The following SCUBE1 variants were observed in gnomAD, a reference collection of about 807,000 sequenced individuals.
The protein encoded by SCUBE1 is signal peptide, CUB and EGF-like domain-containing protein 1.
In SCUBE1, 59 loss-of-function variants were observed where a neutral mutation model predicts 124.4. The observed-to-expected ratio is 0.47, with a 90% CI of 0.38 to 0.59. The LOEUF (loss-of-function observed/expected upper bound fraction) is 0.59. Among genes scored for constraint, SCUBE1 ranks in the 20% least tolerant of loss-of-function variants. The probability of loss-of-function intolerance (pLI) is 0.00; values close to 1 mark genes in which losing one functional copy is unlikely to be tolerated. For synonymous variants in SCUBE1, 545 were observed against 550.9 expected (o/e 0.99, Z 0.15); for missense variants, 1,150 against 1,371.2 (o/e 0.84, Z 2.55).
Position 43,255,620 on chromosome 22 carries a change from G to A in SCUBE1, c.727+2599C>T. On this transcript the variant is annotated intron_variant, in intron 6 of 21. Coordinates refer to ENST00000360835, the MANE Select transcript of SCUBE1 (RefSeq NM_173050.5). This position sits in a 1 kb window ranked among gnomAD's most constrained non-coding sequence, Gnocchi z 4.7. ...GACAAACACGGAGCCAGTGGTTAATGACAGCCCACTTCCCGCGGCCCAAGA... is the reference window on the plus strand; with the variant it reads ...GACAAACACGGAGCCAGTGGTTAATAACAGCCCACTTCCCGCGGCCCAAGA... 6.7e-7 allele frequency: 1 copy of A among 1,495,100 alleles called. No homozygotes were observed. Among genetic ancestry groups the A allele is most frequent in the Non-Finnish European group, 9.1e-7 (1 of 1,097,524 alleles). The allele number at this position is 1,495,100 out of a possible 1,614,324, so 92.6% of individuals were successfully genotyped here. A position where few individuals can be genotyped will look rare whatever the true frequency, so the allele number is the denominator to read the frequency against.
rs1295188682 is a variant in SCUBE1, at chr22:43,255,976, G to A, written c.727+2243C>T. On this transcript the variant is annotated intron_variant, in intron 6 of 21. Transcript: ENST00000360835. The surrounding 1 kb of genome is among the most constrained non-coding windows in gnomAD (Gnocchi z 4.7). ...GACACAAGTGATTACAGACCCCCGT[G>A]GCTCAGGCTGGAGAGGCAGGCACAG... is the stretch of plus-strand genomic sequence containing the variant. Among the ~76,000 whole-genome samples, 1 of 152,182 alleles carries A rather than the reference G, an allele frequency of 6.6e-6. No homozygotes were observed. Among genetic ancestry groups the A allele is most frequent in the Non-Finnish European group, 1.5e-5 (1 of 68,036 alleles).
At chr22:43,266,485 T>C (rs200672224) in intron 4 of SCUBE1, among the ~76,000 whole-genome samples, 1 of 152,288 alleles carries the variant, frequency 6.6e-6, no homozygotes, top group East Asian at 1.9e-4. Context: ...GCAGATAGGC[T>C]CCGTGGCTGG....
intron 6 of SCUBE1, among the ~76,000 whole-genome samples, chr22:43,253,242 T>C (rs989294314): frequency 6.6e-6 from 1 of 152,204 alleles, no homozygotes; most frequent in Non-Finnish European, 1.5e-5. Context: ...CAGGATCCTA[T>C]GTCTTTACCC....
chr22:43,241,706 C>T (rs1343474634), intron 6 of SCUBE1, among the ~76,000 whole-genome samples: 1 of 152,238 alleles, frequency 6.6e-6, no homozygotes, highest in Non-Finnish European at 1.5e-5. Context: ...CCAGCTCTAG[C>T]CCCTGCTCTT....
intron 3 of SCUBE1, among the ~76,000 whole-genome samples, chr22:43,314,132 A>G (rs545043436): frequency 1.3e-5 from 2 of 152,316 alleles, no homozygotes; most frequent in African/African-American, 4.8e-5. Flanking sequence ...AAGGCAGCGG[A>G]GACAGAGAAC....
chr22:43,231,680 G>A (rs1922557445), intron 8 of SCUBE1, 73 bp downstream of exon 8: 15 of 1,509,718 alleles, frequency 9.9e-6, no homozygotes, highest in Non-Finnish European at 1.3e-5. Flanking sequence ...CTAGGAGCCC[G>A]TGTCAGCCCA....
intron 7 of SCUBE1, chr22:43,232,557 C>T (rs1601815575): frequency 1.3e-5 from 2 of 152,358 alleles, no homozygotes. Context: ...GCCTGACGCT[C>T]CCCCCTTTCC....
chr22:43,241,417 C>T (rs1311616434), intron 6 of SCUBE1, among the ~76,000 whole-genome samples: 1 of 152,108 alleles, frequency 6.6e-6, no homozygotes, highest in Admixed American at 6.5e-5. Flanking sequence ...AGAAACTCGG[C>T]CCAAGGCTGT....
chr22:43,231,413 C>T (rs912092034), intron 8 of SCUBE1, among the ~76,000 whole-genome samples: 1 of 152,214 alleles, frequency 6.6e-6, no homozygotes. Flanking sequence ...GCAACGCTTT[C>T]CAACAGATGG....
chr22:43,300,470 C>T (rs375724009), intron 3 of SCUBE1, among the ~76,000 whole-genome samples: 30 of 152,188 alleles, frequency 2.0e-4, no homozygotes, highest in East Asian at 1.5e-3. Flanking sequence ...CCTGTTCTCA[C>T]GGGCTCTATG....
At chr22:43,248,754 C>T (rs949521694) in intron 6 of SCUBE1, among the ~76,000 whole-genome samples, 5 of 152,132 alleles carry the variant, frequency 3.3e-5, no homozygotes, top group Admixed American at 6.5e-5. Context: ...ATATCACCTC[C>T]CTCACCAGCA....
chr22:43,292,759 G>A (rs1354592898), intron 3 of SCUBE1, among the ~76,000 whole-genome samples: 1 of 152,226 alleles, frequency 6.6e-6, no homozygotes, highest in Non-Finnish European at 1.5e-5. Context: ...ACTCATGGAC[G>A]ACAGACCACT....
At chr22:43,250,081 G>A (rs1384638698) in intron 6 of SCUBE1, among the ~76,000 whole-genome samples, 4 of 152,248 alleles carry the variant, frequency 2.6e-5, no homozygotes, top group African/African-American at 9.6e-5. Flanking sequence ...GGAAGTACAC[G>A]CTATCACGAT....
At chr22:43,271,822 C>T (rs551817506) in intron 4 of SCUBE1, among the ~76,000 whole-genome samples, 19 of 152,268 alleles carry the variant, frequency 1.2e-4, no homozygotes, top group South Asian at 1.2e-3. Flanking sequence ...TTACCCAGAG[C>T]GCCCCTGTGT....
intron 6 of SCUBE1, among the ~76,000 whole-genome samples, chr22:43,256,420 C>T (rs913146652): frequency 5.3e-5 from 8 of 152,156 alleles, no homozygotes; most frequent in Admixed American, 1.3e-4. Flanking sequence ...CGGAGACATT[C>T]GTTCCCAAGG....
At chr22:43,281,885 T>C (rs1173784973) in intron 4 of SCUBE1, 1 of 152,588 alleles carries the variant, frequency 6.6e-6, no homozygotes, top group Non-Finnish European at 1.5e-5. Context: ...CCCTCTGAGT[T>C]CCGCCAGCTT....
At chr22:43,245,071 G>C (rs1412702908) in intron 6 of SCUBE1, among the ~76,000 whole-genome samples, 1 of 152,240 alleles carries the variant, frequency 6.6e-6, no homozygotes, top group African/African-American at 2.4e-5. Context: ...TGGGATAAAA[G>C]CCACGCCGTG....
rs1192584607 is a variant in SCUBE1, at chr22:43,258,154, G to T, written c.727+65C>A. The T allele has an allele frequency of 9.1e-7, 1 of 1,093,412 alleles. No homozygotes were observed. Among genetic ancestry groups the T allele is most frequent in the Non-Finnish European group, 1.4e-6 (1 of 716,522 alleles). The allele number at this position is 1,093,412 out of a possible 1,614,324, so 67.7% of individuals were successfully genotyped here. On this transcript the variant is annotated intron_variant, in intron 6 of 21. Transcript: ENST00000360835. The surrounding 1 kb of genome is among the most constrained non-coding windows in gnomAD (Gnocchi z 5.0). ...ACGTGGCAGGGTGCTGGCCCTGCTG[G>T]TGCACGCATGGGGGGTCGGGGGCGG...
intron 2 of SCUBE1, among the ~76,000 whole-genome samples, chr22:43,320,605 A>G (rs1926511036): frequency 2.6e-5 from 4 of 152,176 alleles, no homozygotes; most frequent in African/African-American, 7.2e-5. Context: ...GGAGTTCCAG[A>G]GAGATTTGAG....
Sources: gnomAD v4.1 joint callset for allele counts (sites outside exome capture counted in the v4.1 genomes callset) on GRCh38, gnomAD v4.1.1 for gene constraint, Gnocchi (gnomAD v3.1) non-coding constraint, MANE v1.5 for transcripts, NCBI Gene and HGNC (gene_info 2026-07-23, HGNC 2026-07-21) for gene names.